PDE4D: variants seen among roughly 807,000 people sequenced by gnomAD.
PDE4D encodes phosphodiesterase 4D.
PDE4D carries 24 observed loss-of-function variants against 87.4 expected under a neutral mutation model. That is an observed-to-expected ratio of 0.27 (90% CI 0.20 to 0.39). PDE4D has a LOEUF of 0.39. PDE4D is among the 10% of genes least tolerant of loss of function. PDE4D has a pLI of 1.00. For missense variants in PDE4D, 714 were observed against 1,041.0 expected (o/e 0.69, Z 4.32); for synonymous variants, 384 against 383.2 (o/e 1.00, Z -0.02).
chr5:58,991,799 T>C (rs936825328), intron 8 of PDE4D, 33 bp downstream of exon 8: 2 of 1,335,500 alleles, frequency 1.5e-6, no homozygotes, highest in African/African-American at 1.5e-5. Flanking sequence ...CATCATTTAA[T>C]ATTTATGATC....
chr5:60,064,705 T>G (rs77669772), intron 2 of PDE4D, among the ~76,000 whole-genome samples: 4,392 of 152,232 alleles, frequency 0.029, 204 homozygotes, highest in African/African-American at 0.1. Context: ...AAGTCCCTCT[T>G]GTATTATTTC....
At chr5:60,253,083 A>G (rs938055711) in intron 1 of PDE4D, among the ~76,000 whole-genome samples, 19 of 151,878 alleles carry the variant, frequency 1.3e-4, no homozygotes, top group African/African-American at 4.6e-4. Context: ...AAAAGACCAA[A>G]GAACATCAGT....
chr5:60,016,698 A>G (rs373259439), intron 2 of PDE4D, among the ~76,000 whole-genome samples: 1 of 152,172 alleles, frequency 6.6e-6, no homozygotes, highest in Non-Finnish European at 1.5e-5. Flanking sequence ...GGCTCCCATA[A>G]GAAGTAGCTC....
intron 1 of PDE4D, among the ~76,000 whole-genome samples, chr5:59,237,743 C>T (rs1345358614): frequency 6.6e-6 from 1 of 150,488 alleles, no homozygotes; most frequent in Non-Finnish European, 1.5e-5. Flanking sequence ...CTTCCCTTTC[C>T]TTCTTTATCA....
At chr5:59,475,575 A>C (rs951579842) in intron 1 of PDE4D, among the ~76,000 whole-genome samples, 1 of 152,126 alleles carries the variant, frequency 6.6e-6, no homozygotes, top group Non-Finnish European at 1.5e-5. Flanking sequence ...ATCAGAGTTA[A>C]CTTTAAGAGG....
chr5:59,237,409 T>C (rs1756676791), intron 1 of PDE4D, among the ~76,000 whole-genome samples: 1 of 152,142 alleles, frequency 6.6e-6, no homozygotes, highest in South Asian at 2.1e-4. Context: ...TTTCATAACA[T>C]TTCTGTTAAA....
At chr5:59,600,741 A>G (rs1827386516) in intron 1 of PDE4D, among the ~76,000 whole-genome samples, 1 of 152,138 alleles carries the variant, frequency 6.6e-6, no homozygotes, top group African/African-American at 2.4e-5. Context: ...ACACACTTCA[A>G]AATAAGATCT....
chr5:59,853,232 G>A (rs1479150911), intron 1 of PDE4D, among the ~76,000 whole-genome samples: 1 of 152,036 alleles, frequency 6.6e-6, no homozygotes, highest in African/African-American at 2.4e-5. Context: ...ATGCCATACA[G>A]AAGTGTAACT....
chr5:59,071,665 T>C (rs1379392421), intron 5 of PDE4D, among the ~76,000 whole-genome samples: 1 of 148,790 alleles, frequency 6.7e-6, no homozygotes, highest in East Asian at 2.0e-4. Context: ...GCAACATCTG[T>C]ACTTTTTTAT....
chr5:59,594,387 C>G lies in PDE4D; in HGVS notation c.455+298781G>C, dbSNP rs535489199. ...TCAGGCTGGAATGCAGTGGCACAAT[C>G]TTGGCTCACTGCAACTTCCGCCTCC... On this transcript the variant is annotated intron_variant, in intron 1 of 14. Coordinates refer to ENST00000340635, the MANE Select transcript of PDE4D (RefSeq NM_001104631.2). Among the ~76,000 whole-genome samples, 11 of 151,948 alleles carry G rather than the reference C, an allele frequency of 7.2e-5. No individual in the cohort carries two copies. The South Asian group carries it at 2.3e-3, about 32-fold the overall frequency.
chr5:59,711,061 T>C (rs1016082492), intron 1 of PDE4D, among the ~76,000 whole-genome samples: 1 of 152,178 alleles, frequency 6.6e-6, no homozygotes, highest in African/African-American at 2.4e-5. Flanking sequence ...TTCTCTATTG[T>C]CTTCTCTAAT....
At chr5:59,516,563 T>C (rs545766536) in intron 1 of PDE4D, among the ~76,000 whole-genome samples, 1 of 152,230 alleles carries the variant, frequency 6.6e-6, no homozygotes, top group Non-Finnish European at 1.5e-5. Context: ...AAACTGCTAC[T>C]AAAGTATTTT....
intron 1 of PDE4D, among the ~76,000 whole-genome samples, chr5:59,755,580 A>G (rs1761100775): frequency 6.6e-6 from 1 of 152,112 alleles, no homozygotes; most frequent in Non-Finnish European, 1.5e-5. Flanking sequence ...GAACTGTAGA[A>G]ATCAGCCTTG....
intron 1 of PDE4D, among the ~76,000 whole-genome samples, chr5:59,625,784 G>T (rs1445681948): frequency 6.6e-6 from 1 of 151,948 alleles, no homozygotes; most frequent in Non-Finnish European, 1.5e-5. Context: ...ATTCTTTATG[G>T]CATTACAAAC....
At chr5:59,654,532 G>A (rs1195978151) in intron 1 of PDE4D, among the ~76,000 whole-genome samples, 3 of 152,166 alleles carry the variant, frequency 2.0e-5, no homozygotes, top group Non-Finnish European at 4.4e-5. Flanking sequence ...TCCAATAAAT[G>A]AGGAGGGGCC....
intron 2 of PDE4D, chr5:60,033,060 T>A (rs1251959938): frequency 6.6e-6 from 1 of 152,168 alleles, no homozygotes; most frequent in Non-Finnish European, 1.5e-5. Context: ...TTAGAGATCA[T>A]GTCCAGGTCT....
intron 1 of PDE4D, chr5:59,276,250 G>C (rs1472556023): frequency 4.5e-6 from 2 of 440,666 alleles, no homozygotes; most frequent in Admixed American, 1.3e-4. Flanking sequence ...GCAGACAAGA[G>C]ACCTCACAAA....
At chr5:60,401,725 G>C (rs1741105826) in intron 1 of PDE4D, among the ~76,000 whole-genome samples, 1 of 152,192 alleles carries the variant, frequency 6.6e-6, no homozygotes. Context: ...CTCCAACCCT[G>C]CTGAGACCCC....
At chr5:59,739,025 A>C (rs962205001) in intron 1 of PDE4D, among the ~76,000 whole-genome samples, 4 of 152,214 alleles carry the variant, frequency 2.6e-5, no homozygotes, top group Non-Finnish European at 4.4e-5. Context: ...CAAATTTTCC[A>C]AAAGAAAAGT....
Sources: gnomAD v4.1 joint callset for allele counts (sites outside exome capture counted in the v4.1 genomes callset) on GRCh38, gnomAD v4.1.1 for gene constraint, MANE v1.5 for transcripts, NCBI Gene and HGNC (gene_info 2026-07-23, HGNC 2026-07-21) for gene names.